Variants in KIFAP3 observed in about 807,000 individuals in gnomAD.
KIFAP3 encodes kinesin-associated protein 3.
In KIFAP3, 68 loss-of-function variants were observed where a neutral mutation model predicts 106.5. That is an observed-to-expected ratio of 0.64 (90% confidence interval 0.53 to 0.78). The LOEUF is 0.78. KIFAP3 is among the 30% of genes least tolerant of loss of function. The pLI, the probability that KIFAP3 is intolerant of heterozygous loss-of-function variation, is 0.00. For missense variants in KIFAP3, 780 were observed against 941.8 expected (o/e 0.83, Z 2.25); for synonymous variants, 320 against 311.5 (o/e 1.03, Z -0.29).
At chr1:170,037,247 C>T (rs1042862622) in intron 5 of KIFAP3, among the ~76,000 whole-genome samples, 2 of 152,080 alleles carry the variant, frequency 1.3e-5, no homozygotes, top group Non-Finnish European at 2.9e-5. Context: ...AAGCATATAG[C>T]AGAAAAGACA....
intron 9 of KIFAP3, 121 bp from the exon 10 acceptor site, chr1:170,016,745 C>G (rs1352892967): frequency 5.4e-6 from 3 of 554,266 alleles, no homozygotes; most frequent in Non-Finnish European, 8.8e-6. Flanking sequence ...ATATGTTAAT[C>G]TTATACTCCA....
At position 170,015,894 on chromosome 1, in the gene KIFAP3, C is replaced by T. The variant is rs530924640; in HGVS notation, c.1183+568G>A. Among the ~76,000 whole-genome samples the T allele has an allele frequency of 2.6e-5, 4 of 152,206 alleles. 1 individual carries two copies. The highest frequency in any genetic ancestry group is 2.6e-4 in the Admixed American group (4 of 15,274). ...CAGCTAAAACAAAATAACTTATAAA[C>T]TGAATTCTCCAATACAGTACTTTCT... On this transcript the variant is annotated intron_variant, in intron 10 of 19. Coordinates refer to ENST00000361580, the MANE Select transcript of KIFAP3 (RefSeq NM_014970.4).
At chr1:170,054,224 G>A (rs550347741) in intron 2 of KIFAP3, among the ~76,000 whole-genome samples, 28 of 152,200 alleles carry the variant, frequency 1.8e-4, no homozygotes, top group African/African-American at 4.6e-4. Context: ...ACATTTATGC[G>A]GCCAAGAAAC....
chr1:169,973,854 C>T (rs1489502322), intron 16 of KIFAP3, among the ~76,000 whole-genome samples: 1 of 151,646 alleles, frequency 6.6e-6, no homozygotes, highest in Non-Finnish European at 1.5e-5. Flanking sequence ...AGAAAGTCAG[C>T]TCGAATAGAG....
chr1:169,930,615 G>C (rs1571509682), intron 19 of KIFAP3, among the ~76,000 whole-genome samples: 1 of 152,202 alleles, frequency 6.6e-6, no homozygotes, highest in Admixed American at 6.5e-5. Flanking sequence ...ACTTCTCTGG[G>C]CTGGTGAATT....
intron 3 of KIFAP3, among the ~76,000 whole-genome samples, chr1:170,042,574 TTTTC>T (rs1670034692): frequency 1.3e-5 from 2 of 152,334 alleles, no homozygotes; most frequent in South Asian, 2.1e-4. Context: ...AGAAATAATC[TTTTC>T]TTTGTCTTTC....
chr1:169,981,526 TATTA>T (rs1397098009), intron 15 of KIFAP3, among the ~76,000 whole-genome samples: 1 of 152,232 alleles, frequency 6.6e-6, no homozygotes, highest in Non-Finnish European at 1.5e-5. Flanking sequence ...TCTGTTTTAT[TATTA>T]ATTATGGTTG....
In KIFAP3 at chr1:169,961,146, C is replaced by T; in HGVS notation, c.2073G>A (p.Gln691=). Residue 691 remains glutamine (Q), a synonymous_variant, in exon 18 of 20, where the codon CAG becomes CAA. Coordinates refer to ENST00000361580, the MANE Select transcript of KIFAP3 (RefSeq NM_014970.4). ...SQWLEMVESR[Q]MDESEQYLYG... is the part of the protein sequence containing the mutation. ...ACAAGTACTGCTCACTCTCATCCAT[C>T]TGACGACTCTCTACCATCTCCAGCC... The T allele has an allele frequency of 6.2e-7, 1 of 1,613,730 alleles. No individual in the cohort carries two copies. Among genetic ancestry groups the T allele is most frequent in the Non-Finnish European group, 8.5e-7 (1 of 1,179,742 alleles).
chr1:169,986,515 C>T (rs1389746397), intron 11 of KIFAP3, among the ~76,000 whole-genome samples: 2 of 151,484 alleles, frequency 1.3e-5, no homozygotes, highest in Non-Finnish European at 2.9e-5. Context: ...CTTAATAATG[C>T]CACAGAATAA....
chr1:170,016,535 G>A lies in KIFAP3; in HGVS notation c.1110C>T (p.Asn370=). The A allele has an allele frequency of 6.2e-7, 1 of 1,609,222 alleles. No individual in the cohort carries two copies. The highest frequency in any genetic ancestry group is 8.5e-7 in the Non-Finnish European group (1 of 1,177,992). The change falls in exon 10 of 20, where the codon AAC becomes AAT. Residue 370 remains asparagine, a synonymous_variant. Coordinates refer to ENST00000361580, the MANE Select transcript of KIFAP3 (RefSeq NM_014970.4). The part of the protein sequence containing the change: ...LLNITLRLLL[N]LSFDTGLRNK... ...TCCTCAGTCCTGTGTCAAAGGATAGGTTTAGTAAAAGTCGGAGGGTGATAT... is the reference window on the plus strand; with the variant it reads ...TCCTCAGTCCTGTGTCAAAGGATAGATTTAGTAAAAGTCGGAGGGTGATAT...
chr1:169,996,537 A>G (rs1667381217), intron 10 of KIFAP3, among the ~76,000 whole-genome samples: 1 of 152,198 alleles, frequency 6.6e-6, no homozygotes, highest in South Asian at 2.1e-4. Context: ...TTTGATTCAG[A>G]GATGAGGCAA....
At chr1:169,972,382 T>C in intron 17 of KIFAP3, 131 bp downstream of exon 17, 2 of 577,146 alleles carry the variant, frequency 3.5e-6, no homozygotes, top group Admixed American at 3.7e-5. Context: ...TTAGTATCAT[T>C]GTATATCCTG....
intron 10 of KIFAP3, among the ~76,000 whole-genome samples, chr1:169,998,067 G>T (rs891961480): frequency 6.6e-5 from 10 of 150,446 alleles, no homozygotes; most frequent in African/African-American, 2.4e-4. Flanking sequence ...TAAAGAAAAT[G>T]ATCCCCTCTC....
At chr1:170,005,417 T>C (rs1002861387) in intron 10 of KIFAP3, among the ~76,000 whole-genome samples, 10 of 152,122 alleles carry the variant, frequency 6.6e-5, no homozygotes, top group African/African-American at 2.4e-4. Context: ...TGTATGTTTA[T>C]TGCGGCACTA....
chr1:169,971,138 T>C (rs1665900143), intron 17 of KIFAP3, among the ~76,000 whole-genome samples: 1 of 152,058 alleles, frequency 6.6e-6, no homozygotes, highest in Non-Finnish European at 1.5e-5. Context: ...ACTTAATCTG[T>C]AAATCTAAAC....
At chr1:169,979,997 T>C (rs575238191) in intron 15 of KIFAP3, among the ~76,000 whole-genome samples, 5 of 152,106 alleles carry the variant, frequency 3.3e-5, no homozygotes, top group African/African-American at 7.2e-5. Context: ...AAATATAAGG[T>C]AGAACAAAAT....
At chr1:169,956,059 C>T (rs547321034) in intron 18 of KIFAP3, among the ~76,000 whole-genome samples, 2 of 152,060 alleles carry the variant, frequency 1.3e-5, no homozygotes, top group African/African-American at 4.8e-5. Flanking sequence ...ACTAACAAAA[C>T]TAACAAAAAT....
chr1:170,032,011 T>C (rs111843730), intron 7 of KIFAP3, 27 bp from the exon 8 acceptor site: 13 of 952,472 alleles, frequency 1.4e-5, no homozygotes, highest in South Asian at 1.9e-5. Context: ...GGATCATCCA[T>C]ACTCATTGAA....
chr1:169,992,485 T>C (rs1390825322), intron 10 of KIFAP3, among the ~76,000 whole-genome samples: 2 of 152,148 alleles, frequency 1.3e-5, no homozygotes, highest in Non-Finnish European at 2.9e-5. Context: ...CAAGGTATAG[T>C]TTTGAAAAAG....
Sources: allele counts gnomAD v4.1 joint callset (sites outside exome capture counted in the v4.1 genomes callset), GRCh38; gene constraint gnomAD v4.1.1; transcripts MANE v1.5; gene names NCBI Gene and HGNC (gene_info 2026-07-23, HGNC 2026-07-21).